NRXN3: variants seen among roughly 807,000 people sequenced by gnomAD.
NRXN3 encodes the protein neurexin III.
NRXN3 carries 32 observed loss-of-function variants against 137.6 expected under a neutral mutation model. The ratio of observed to expected loss-of-function variants is 0.23; its 90% CI spans 0.18 to 0.31. The LOEUF is 0.31. Ranked by LOEUF, NRXN3 falls within the 10% of genes least tolerant of loss-of-function variation. The pLI is 1.00. For missense variants in NRXN3, 1,574 were observed against 2,062.5 expected (o/e 0.76, Z 4.59); for synonymous variants, 798 against 784.5 (o/e 1.02, Z -0.29).
intron 16 of NRXN3, among the ~76,000 whole-genome samples, chr14:79,482,866 A>T (rs2096622097): frequency 6.6e-6 from 1 of 152,152 alleles, no homozygotes. Flanking sequence ...TATTTACAAG[A>T]TCACCCCTTA....
chr14:78,226,389 C>T (rs1203508224), intron 1 of NRXN3, among the ~76,000 whole-genome samples: 1 of 152,158 alleles, frequency 6.6e-6, no homozygotes, highest in Non-Finnish European at 1.5e-5. Context: ...GACCGCTTAA[C>T]TCCCTCTTGT....
At chr14:78,301,072 G>A (rs1179729085) in intron 4 of NRXN3, among the ~76,000 whole-genome samples, 1 of 152,004 alleles carries the variant, frequency 6.6e-6, no homozygotes, top group East Asian at 1.9e-4. Flanking sequence ...CTGAATTTGG[G>A]GATAACATTG....
At chr14:79,778,048 G>T (rs958636231) in intron 19 of NRXN3, among the ~76,000 whole-genome samples, 1 of 152,078 alleles carries the variant, frequency 6.6e-6, no homozygotes, top group African/African-American at 2.4e-5. Context: ...CTTCAATTTG[G>T]CACATACACC....
At chr14:78,713,282 A>G (rs1225110966) in intron 7 of NRXN3, among the ~76,000 whole-genome samples, 1 of 151,816 alleles carries the variant, frequency 6.6e-6, no homozygotes. Context: ...CTCTGACTTG[A>G]TCTCCTGCTC....
At chr14:78,878,415 C>T (rs551698507) in intron 10 of NRXN3, among the ~76,000 whole-genome samples, 1 of 152,256 alleles carries the variant, frequency 6.6e-6, no homozygotes, top group East Asian at 1.9e-4. Context: ...AGCAATTCTA[C>T]ACTGATGGGG....
At chr14:79,191,340 T>TGAA (rs1220252299) in intron 15 of NRXN3, among the ~76,000 whole-genome samples, 1 of 152,186 alleles carries the variant, frequency 6.6e-6, no homozygotes, top group African/African-American at 2.4e-5. Flanking sequence ...TGATGATAGA[T>TGAA]GAAGACAATT....
At chr14:78,621,532 T>A (rs950902664) in intron 4 of NRXN3, among the ~76,000 whole-genome samples, 7 of 152,184 alleles carry the variant, frequency 4.6e-5, no homozygotes, top group Admixed American at 3.9e-4. Flanking sequence ...CCACACACAT[T>A]TAACAGAGTG....
intron 19 of NRXN3, among the ~76,000 whole-genome samples, chr14:79,777,030 G>A (rs374393821): frequency 1.3e-5 from 2 of 152,086 alleles, no homozygotes; most frequent in African/African-American, 4.8e-5. Context: ...CACCTGCAAG[G>A]TTGTTCTTGT....
chr14:78,269,433 G>T (rs2072348730), intron 2 of NRXN3, among the ~76,000 whole-genome samples: 1 of 152,164 alleles, frequency 6.6e-6, no homozygotes, highest in Non-Finnish European at 1.5e-5. Flanking sequence ...GTTTTCAGGG[G>T]CCAGTGGGAG....
At chr14:79,120,005 T>G (rs1026196885) in intron 15 of NRXN3, among the ~76,000 whole-genome samples, 1 of 152,198 alleles carries the variant, frequency 6.6e-6, no homozygotes, top group Admixed American at 6.5e-5. Flanking sequence ...AATAATATTC[T>G]GTATATTAAC....
chr14:79,346,560 G>C (rs910590626), intron 15 of NRXN3, among the ~76,000 whole-genome samples: 1 of 152,090 alleles, frequency 6.6e-6, no homozygotes, highest in African/African-American at 2.4e-5. Flanking sequence ...CTTTCTTACT[G>C]CCTGGAAATC....
intron 4 of NRXN3, among the ~76,000 whole-genome samples, chr14:78,625,682 GA>G (rs1416856288): frequency 2.0e-5 from 3 of 152,158 alleles, no homozygotes; most frequent in Non-Finnish European, 4.4e-5. Context: ...AGGTGTAGAA[GA>G]AATGATGCTC....
intron 4 of NRXN3, among the ~76,000 whole-genome samples, chr14:78,577,337 A>G (rs1368059767): frequency 2.0e-5 from 3 of 152,252 alleles, no homozygotes; most frequent in African/African-American, 7.2e-5. Flanking sequence ...TTTATACAAT[A>G]TTATTCCAAA....
chr14:78,926,859 AT>A (rs1161814072), intron 10 of NRXN3, among the ~76,000 whole-genome samples: 1 of 23,940 alleles, frequency 4.2e-5, no homozygotes, highest in Non-Finnish European at 5.9e-5. Context: ...TATTATATAT[AT>A]AATATATATA....
intron 4 of NRXN3, among the ~76,000 whole-genome samples, chr14:78,639,517 T>C (rs1316333869): frequency 6.6e-6 from 1 of 152,204 alleles, no homozygotes; most frequent in East Asian, 1.9e-4. Context: ...TCTTCTCAGA[T>C]TGGCTTTTTT....
intron 10 of NRXN3, among the ~76,000 whole-genome samples, chr14:78,933,958 C>G (rs13379321): frequency 0.026 from 3,931 of 152,052 alleles, 177 homozygotes; most frequent in African/African-American, 0.09. Context: ...GGTACCCACC[C>G]ATCTTCAGCT....
At chr14:79,560,147 A>G (rs2097476737) in intron 16 of NRXN3, among the ~76,000 whole-genome samples, 1 of 152,058 alleles carries the variant, frequency 6.6e-6, no homozygotes, top group Admixed American at 6.6e-5. Context: ...CTTCTATAAC[A>G]CTTTTTTCTA....
In NRXN3 at chr14:78,224,397, G is replaced by T. The variant is rs370816837; in HGVS notation, c.-703-17994G>T. ...CCATTAACGCGTCATTTAGCATTAGGTATATCTCCTAATGCTATCCCTCCC... is the reference window on the plus strand; with the variant it reads ...CCATTAACGCGTCATTTAGCATTAGTTATATCTCCTAATGCTATCCCTCCC... On this transcript the variant is annotated intron_variant, in intron 1 of 20. Transcript: ENST00000335750. Among the ~76,000 whole-genome samples, 6 of 151,990 alleles carry T rather than the reference G, an allele frequency of 3.9e-5. No homozygotes were observed. In the East Asian group the frequency reaches 9.7e-4, roughly 25 times the overall value.
intron 4 of NRXN3, among the ~76,000 whole-genome samples, chr14:78,536,472 A>G (rs1374964223): frequency 1.3e-5 from 2 of 152,216 alleles, no homozygotes; most frequent in Non-Finnish European, 2.9e-5. Context: ...TTTATGGTGA[A>G]TTATCATAAG....
Sources: gnomAD v4.1 joint callset for allele counts (sites outside exome capture counted in the v4.1 genomes callset) on GRCh38, gnomAD v4.1.1 for gene constraint, MANE v1.5 for transcripts, NCBI Gene and HGNC (gene_info 2026-07-23, HGNC 2026-07-21) for gene names.